The following TUB variants were observed in gnomAD, a reference collection of about 807,000 sequenced individuals.
TUB encodes TUB bipartite transcription factor, also known as tubby protein homolog.
In TUB, 33 loss-of-function variants were observed where a neutral mutation model predicts 59.7. That is an observed-to-expected ratio of 0.55 (90% CI 0.42 to 0.74). The LOEUF is 0.74. Among genes scored for constraint, TUB ranks in the 30% least tolerant of loss-of-function variants. The pLI is 0.00. For missense variants in TUB, 659 were observed against 672.0 expected (o/e 0.98, Z 0.21); for synonymous variants, 293 against 256.4 (o/e 1.14, Z -1.36).
chr11:8,083,851 C>T (rs1169721358), intron 1 of TUB, among the ~76,000 whole-genome samples: 1 of 152,176 alleles, frequency 6.6e-6, no homozygotes, highest in African/African-American at 2.4e-5. Flanking sequence ...TCTTTCTGGG[C>T]ACGCACTGAG....
rs199657413 is a variant in TUB, at chr11:8,095,501, C to T, written c.401C>T (p.Thr134Ile). ...CAGGCGTGTCCGTGGCCTGCAGGCA[C>T]CAGCGGGCCAGCAGCACTGGCAGAA... ...RKEKKGKHKG[T>I]SGPAALAEDK... Residue 134 changes from threonine (T) to isoleucine (I), a missense_variant, in exon 5 of 12, where the codon ACC (threonine) becomes ATC (isoleucine). Thr to Ile is a moderately conservative substitution (Grantham distance 89). This residue lies in a region of TUB where 321 missense variants were observed against 304.3 expected (regional missense o/e 1.05). Transcript: ENST00000299506. The T allele has an allele frequency of 5.0e-6, 8 of 1,608,376 alleles. No individual in the cohort carries two copies. In the East Asian group the frequency reaches 1.6e-4, roughly 31 times the overall value.
chr11:8,097,531 C>A, intron 7 of TUB, 106 bp downstream of exon 7: 1 of 1,489,112 alleles, frequency 6.7e-7, no homozygotes, highest in Non-Finnish European at 9.3e-7. Context: ...CCTCTCAGTT[C>A]CTCAAAGAAA....
At chr11:8,101,146 C>A in intron 11 of TUB, 149 bp downstream of exon 11, 1 of 1,005,578 alleles carries the variant, frequency 9.9e-7, no homozygotes, top group Non-Finnish European at 1.4e-6. Flanking sequence ...CTTTCTAACC[C>A]TAATGACTGG....
chr11:8,043,648 G>A (rs893016749), intron 2 of TUB, among the ~76,000 whole-genome samples: 3 of 152,040 alleles, frequency 2.0e-5, no homozygotes, highest in Admixed American at 6.5e-5. Context: ...CTTATTTTTA[G>A]CAGTTTATTC....
chr11:8,072,394 C>T (rs888668246), intron 2 of TUB, among the ~76,000 whole-genome samples: 22 of 152,152 alleles, frequency 1.4e-4, no homozygotes, highest in African/African-American at 4.8e-5. Context: ...CTGCGGTGGG[C>T]GGCGGAGGCC....
chr11:8,096,847 C>T (rs754351632), intron 6 of TUB, 41 bp downstream of exon 6: 3 of 1,607,852 alleles, frequency 1.9e-6, no homozygotes, highest in African/African-American at 1.3e-5. Context: ...TTTTGGAGGA[C>T]TGCTCATCCG....
intron 1 of TUB, among the ~76,000 whole-genome samples, chr11:8,031,918 C>T (rs1460245327): frequency 6.6e-6 from 1 of 152,208 alleles, no homozygotes; most frequent in African/African-American, 2.4e-5. Context: ...CTTCGCCTTC[C>T]GCGGGGTGTC....
At chr11:8,056,610 A>C (rs1430858418) in intron 2 of TUB, among the ~76,000 whole-genome samples, 20 of 151,972 alleles carry the variant, frequency 1.3e-4, no homozygotes, top group Non-Finnish European at 5.9e-5. Flanking sequence ...TTTTGGGTAC[A>C]TATGCGCATG....
chr11:8,066,623 AGAG>A (rs1473634321), intron 2 of TUB, among the ~76,000 whole-genome samples: 5 of 152,170 alleles, frequency 3.3e-5, no homozygotes, highest in Non-Finnish European at 7.4e-5. Context: ...CTCAGCAGCT[AGAG>A]GAGTTCAGGG....
chr11:8,049,302 T>C (rs530931845), intron 2 of TUB, among the ~76,000 whole-genome samples: 4 of 152,244 alleles, frequency 2.6e-5, no homozygotes, highest in Non-Finnish European at 5.9e-5. Flanking sequence ...CCCCATGGTG[T>C]GTCATCCTGC....
chr11:8,096,548 T>TCTCGGTGGTCGCCGTATCATTAAAA, intron 5 of TUB, 137 bp from the exon 6 acceptor site: 1 of 697,738 alleles, frequency 1.4e-6, no homozygotes, highest in Non-Finnish European at 2.6e-6. Context: ...TATGTGTAGA[T>TCTCGGTGGTCGCCGTATCATTAAAA]ATGGCTAAGA....
intron 1 of TUB, among the ~76,000 whole-genome samples, chr11:8,022,175 C>T (rs1437215334): frequency 6.6e-6 from 1 of 152,192 alleles, no homozygotes; most frequent in Non-Finnish European, 1.5e-5. Flanking sequence ...TCTCCAAAAG[C>T]ACTAGTCCAC....
chr11:8,049,464 A>G lies in TUB; in HGVS notation c.203+9772A>G, dbSNP rs953632227. ...ATTTGAGAACCACTGGCCGAGGCCC[A>G]GCAAAGAGACAATGCATACCCCTCA... On this transcript the variant is annotated intron_variant, in intron 2 of 12. Transcript: ENST00000305253. Among the ~76,000 whole-genome samples, 5 of 152,006 alleles carry G rather than the reference A, an allele frequency of 3.3e-5. No individual in the cohort carries two copies. In the South Asian group the frequency reaches 6.2e-4, roughly 19 times the overall value.
At chr11:8,092,995 G>T (rs1286251074) in intron 3 of TUB, among the ~76,000 whole-genome samples, 3 of 152,140 alleles carry the variant, frequency 2.0e-5, no homozygotes, top group Admixed American at 2.0e-4. Context: ...TGAGGTTTGT[G>T]TCAGGCTCTG....
intron 1 of TUB, among the ~76,000 whole-genome samples, chr11:8,031,612 G>A (rs4758272): frequency 0.31 from 46,628 of 152,120 alleles, 7,519 homozygotes; most frequent in East Asian, 0.5. Flanking sequence ...ATCCGGGGCC[G>A]CATCAATGTT....
upstream of TUB, chr11:8,076,793 G>A (rs759026864): frequency 9.9e-5 from 15 of 152,154 alleles, no homozygotes; most frequent in African/African-American, 3.6e-4. Flanking sequence ...TATGTTTCCT[G>A]TAGATTATGC....
chr11:8,100,397 G>A (rs1335424035), intron 9 of TUB, 106 bp from the exon 10 acceptor site: 1 of 851,598 alleles, frequency 1.2e-6, no homozygotes, highest in Admixed American at 2.0e-5. Flanking sequence ...AGACTTCGGA[G>A]TGGAGATGGT....
intron 1 of TUB, among the ~76,000 whole-genome samples, chr11:8,085,834 G>C (rs1475420356): frequency 6.6e-6 from 1 of 152,238 alleles, no homozygotes; most frequent in Non-Finnish European, 1.5e-5. Flanking sequence ...GGCTGTGTGT[G>C]CTTTTCCAGG....
rs909157539 is a variant in TUB at position 8,101,901 on chromosome 11, TGTAGTC to T, written c.*286_*291del. ...TCCCACCCTTGGGGTAGTAGTGTGT[TGTAGTC>T]GTACTTACCAAGCTGAGCAACCTCT... On this transcript the variant is annotated 3_prime_UTR_variant, in exon 12 of 12. Transcript: ENST00000299506. 34 of 432,840 alleles carry T rather than the reference TGTAGTC, an allele frequency of 7.9e-5. No homozygotes were observed. The highest frequency in any genetic ancestry group is 1.3e-4 in the Non-Finnish European group (31 of 241,988). The allele number at this position is 432,840 out of a possible 1,614,324, so 26.8% of individuals were successfully genotyped here.
Sources: allele counts gnomAD v4.1 joint callset (sites outside exome capture counted in the v4.1 genomes callset), GRCh38; gene constraint gnomAD v4.1.1; regional missense constraint gnomAD v4.1.1; transcripts MANE v1.5; gene names NCBI Gene and HGNC (gene_info 2026-07-23, HGNC 2026-07-21).